Variants in PRR16 observed in about 807,000 individuals in gnomAD.
The protein encoded by PRR16 is protein Largen.
Under a neutral mutation model 18.2 loss-of-function variants are expected in PRR16, and 6 were observed. The observed-to-expected ratio is 0.33, with a 90% CI of 0.18 to 0.65. The LOEUF (loss-of-function observed/expected upper bound fraction) is 0.65. Among genes scored for constraint, PRR16 ranks in the 30% least tolerant of loss-of-function variants. The probability of loss-of-function intolerance (pLI) is 0.74; values close to 1 mark genes in which losing one functional copy is unlikely to be tolerated. For synonymous variants in PRR16, 151 were observed against 147.8 expected, an observed-to-expected ratio of 1.02 and a Z score of -0.16; for missense variants, 412 against 376.6, an observed-to-expected ratio of 1.09 and a Z score of -0.78.
the PRR16 span, chr5:120,781,582 G>C: frequency 4.6e-5 from 7 of 152,128 alleles, no homozygotes; most frequent in Non-Finnish European, 1.0e-4. Flanking sequence ...GGGAGATCAG[G>C]AGAAGGTCAG....
the PRR16 span, among the ~76,000 whole-genome samples, chr5:120,732,592 G>GA: frequency 1.3e-5 from 2 of 152,016 alleles, no homozygotes; most frequent in Non-Finnish European, 2.9e-5. Flanking sequence ...AATTCCCAAG[G>GA]GCCTGATGGG....
intron 1 of PRR16, among the ~76,000 whole-genome samples, chr5:120,648,741 G>C (rs1339874071): frequency 6.6e-6 from 1 of 152,066 alleles, no homozygotes; most frequent in African/African-American, 2.4e-5. Flanking sequence ...GCTGGCAAAT[G>C]TTTTACAACC....
At chr5:120,529,292 G>A (rs921468524) in intron 1 of PRR16, among the ~76,000 whole-genome samples, 10 of 152,226 alleles carry the variant, frequency 6.6e-5, no homozygotes, top group African/African-American at 2.2e-4. Context: ...CACTACTAGC[G>A]AAGAGATACA....
the PRR16 span, among the ~76,000 whole-genome samples, chr5:120,766,484 C>T: frequency 6.6e-6 from 1 of 151,770 alleles, no homozygotes; most frequent in Non-Finnish European, 1.5e-5. Context: ...ACACTCAGTA[C>T]TAGTCAATTG....
intron 1 of PRR16, among the ~76,000 whole-genome samples, chr5:120,502,696 A>T (rs796718631): frequency 7.9e-5 from 12 of 152,274 alleles, no homozygotes; most frequent in African/African-American, 2.9e-4. Flanking sequence ...TTTTCTTTTT[A>T]TTAGTCGAAG....
At chr5:120,654,981 A>G (rs1755917090) in intron 1 of PRR16, among the ~76,000 whole-genome samples, 1 of 151,974 alleles carries the variant, frequency 6.6e-6, no homozygotes, top group East Asian at 1.9e-4. Flanking sequence ...ATCTCAAAAC[A>G]AAAACAAATG....
At chr5:120,794,360 C>T in the PRR16 span, among the ~76,000 whole-genome samples, 1 of 152,106 alleles carries the variant, frequency 6.6e-6, no homozygotes, top group Non-Finnish European at 1.5e-5. Context: ...AGTCTATCAG[C>T]ATCATGTTCC....
At chr5:120,546,940 A>G (rs1752092705) in intron 1 of PRR16, among the ~76,000 whole-genome samples, 1 of 152,044 alleles carries the variant, frequency 6.6e-6, no homozygotes, top group African/African-American at 2.4e-5. Flanking sequence ...AGTTATATCG[A>G]TACTCACTCT....
In PRR16 at chr5:120,646,048, T is replaced by TATATATATA. The variant is rs1755584808; in HGVS notation, c.160-39906_160-39905insATATATATA. On this transcript the variant is annotated intron_variant, in intron 1 of 1. Coordinates refer to ENST00000407149, the MANE Select transcript of PRR16 (RefSeq NM_001300783.2). ...CAAATTACAAAAAAAAATACATATTTTATATATATATATATATATATATAT... is the reference window on the plus strand; with the variant it reads ...CAAATTACAAAAAAAAATACATATTTATATATATATATATATATATATATATATATATAT... Among the ~76,000 whole-genome samples, 222 of 104,976 alleles carry TATATATATA rather than the reference T, an allele frequency of 2.1e-3. 2 individuals are homozygous for TATATATATA. The highest frequency in any genetic ancestry group is 0.012 in the Admixed American group (102 of 8,738). The allele number at this position is 104,976 out of a possible 152,430, so 68.9% of individuals were successfully genotyped here.
At chr5:120,537,852 A>T (rs1181111273) in intron 1 of PRR16, among the ~76,000 whole-genome samples, 1 of 143,338 alleles carries the variant, frequency 7.0e-6, no homozygotes, top group East Asian at 2.1e-4. Flanking sequence ...TCTCGGCTCA[A>T]TGCAAGCTCC....
intron 1 of PRR16, among the ~76,000 whole-genome samples, chr5:120,625,318 A>T (rs565404278): frequency 1.8e-4 from 28 of 152,154 alleles, no homozygotes; most frequent in African/African-American, 6.5e-4. Flanking sequence ...TCAGATGGGA[A>T]AATAAATTTT....
At chr5:120,744,562 C>T in the PRR16 span, among the ~76,000 whole-genome samples, 1 of 152,104 alleles carries the variant, frequency 6.6e-6, no homozygotes, top group African/African-American at 2.4e-5. Context: ...ATAAGACTGG[C>T]CCAGCAGTTA....
At chr5:120,680,015 T>C (rs557318472) in intron 1 of PRR16, among the ~76,000 whole-genome samples, 95 of 152,212 alleles carry the variant, frequency 6.2e-4, no homozygotes, top group African/African-American at 2.1e-3. Context: ...TGGGGAGAAA[T>C]GGGTAACTAT....
chr5:120,502,083 T>G (rs1414169554), intron 1 of PRR16, among the ~76,000 whole-genome samples: 2 of 151,066 alleles, frequency 1.3e-5, no homozygotes, highest in Non-Finnish European at 2.9e-5. Context: ...GGAACAACAG[T>G]TCTGGAGGGA....
intron 1 of PRR16, among the ~76,000 whole-genome samples, chr5:120,631,850 G>A (rs995745230): frequency 6.6e-6 from 1 of 152,066 alleles, no homozygotes; most frequent in Non-Finnish European, 1.5e-5. Flanking sequence ...GTTGTCCCTA[G>A]GGCAAGTTTA....
chr5:120,598,363 G>A (rs529890661), intron 1 of PRR16, among the ~76,000 whole-genome samples: 262 of 151,970 alleles, frequency 1.7e-3, no homozygotes, highest in Middle Eastern at 3.4e-3. Context: ...CATTGAAAAT[G>A]TTTTGGTATG....
intron 1 of PRR16, among the ~76,000 whole-genome samples, chr5:120,630,344 C>T (rs1386978004): frequency 1.3e-5 from 2 of 151,942 alleles, no homozygotes; most frequent in Non-Finnish European, 2.9e-5. Flanking sequence ...TGCTTGTTCT[C>T]TGGGCTGACT....
the PRR16 span, among the ~76,000 whole-genome samples, chr5:120,752,644 G>A: frequency 6.6e-6 from 1 of 152,080 alleles, no homozygotes; most frequent in Non-Finnish European, 1.5e-5. Flanking sequence ...CCTAGATTGT[G>A]TAACAGGATA....
chr5:120,569,879 G>A (rs1398642710), intron 1 of PRR16, among the ~76,000 whole-genome samples: 1 of 151,826 alleles, frequency 6.6e-6, no homozygotes, highest in Non-Finnish European at 1.5e-5. Flanking sequence ...ATAAAATTAG[G>A]GATAAAATGA....
Sources: allele counts gnomAD v4.1 joint callset (sites outside exome capture counted in the v4.1 genomes callset), GRCh38; gene constraint gnomAD v4.1.1; transcripts MANE v1.5; gene names NCBI Gene and HGNC (gene_info 2026-07-23, HGNC 2026-07-21).